The following GRIK1 variants were observed in gnomAD, a reference collection of about 807,000 sequenced individuals.
GRIK1 encodes the protein glutamate receptor ionotropic, kainate 1.
A neutral mutation model predicts 105.7 loss-of-function variants in GRIK1; 69 were observed. That is an observed-to-expected ratio of 0.65 (90% CI 0.54 to 0.80). GRIK1 has a LOEUF of 0.80. Ranked by LOEUF, GRIK1 falls within the 30% of genes least tolerant of loss-of-function variation. GRIK1 has a pLI of 0.00. For missense variants in GRIK1, 1,109 were observed against 1,167.3 expected (o/e 0.95, Z 0.73); for synonymous variants, 438 against 431.3 (o/e 1.02, Z -0.19).
intron 7 of GRIK1, among the ~76,000 whole-genome samples, chr21:29,638,441 A>G (rs1372299934): frequency 6.6e-6 from 1 of 152,172 alleles, no homozygotes; most frequent in Non-Finnish European, 1.5e-5. Context: ...TCCACACGTG[A>G]GGATATGAAT....
chr21:29,682,011 T>C (rs1386239262), intron 3 of GRIK1, among the ~76,000 whole-genome samples: 1 of 152,240 alleles, frequency 6.6e-6, no homozygotes, highest in Non-Finnish European at 1.5e-5. Flanking sequence ...GGAATCCTTA[T>C]ATCAGGACCT....
At chr21:29,748,954 C>G (rs1207430878) in intron 1 of GRIK1, 1 of 152,166 alleles carries the variant, frequency 6.6e-6, no homozygotes, top group East Asian at 1.9e-4. Context: ...AAGGGGATTT[C>G]TGTAGCAGTT....
At chr21:29,738,634 G>A (rs1191138798) in intron 1 of GRIK1, among the ~76,000 whole-genome samples, 1 of 152,194 alleles carries the variant, frequency 6.6e-6, no homozygotes, top group Non-Finnish European at 1.5e-5. Flanking sequence ...AGATATGGTA[G>A]CATCTCCAAG....
chr21:29,834,555 G>A (rs181763928), intron 1 of GRIK1, among the ~76,000 whole-genome samples: 27 of 150,806 alleles, frequency 1.8e-4, no homozygotes, highest in African/African-American at 6.3e-4. Context: ...CTGTCTAAGA[G>A]TGATAAAGAG....
intron 6 of GRIK1, among the ~76,000 whole-genome samples, chr21:29,650,859 C>G (rs363582): frequency 1.3e-5 from 2 of 152,252 alleles, no homozygotes; most frequent in Middle Eastern, 3.4e-3. Flanking sequence ...TGTCCTTGCA[C>G]TGGTTTGGCT....
intron 5 of GRIK1, among the ~76,000 whole-genome samples, chr21:29,652,827 C>T (rs998893789): frequency 6.6e-6 from 1 of 152,174 alleles, no homozygotes; most frequent in Admixed American, 6.5e-5. Context: ...ATTACAGGTA[C>T]TGAAAAGCAG....
At chr21:29,633,180 T>A (rs1382664593) in intron 7 of GRIK1, among the ~76,000 whole-genome samples, 1 of 152,224 alleles carries the variant, frequency 6.6e-6, no homozygotes, top group Non-Finnish European at 1.5e-5. Flanking sequence ...TACCTTTATC[T>A]GGGACTTCTC....
chr21:29,670,338 A>G (rs939442985), intron 4 of GRIK1, among the ~76,000 whole-genome samples: 1 of 152,214 alleles, frequency 6.6e-6, no homozygotes, highest in Non-Finnish European at 1.5e-5. Flanking sequence ...AAGCTGAACT[A>G]ATCCTACTCC....
intron 1 of GRIK1, among the ~76,000 whole-genome samples, chr21:29,782,297 A>G (rs1455878101): frequency 6.6e-6 from 1 of 151,996 alleles, no homozygotes; most frequent in Non-Finnish European, 1.5e-5. Context: ...CGTGTTAGCC[A>G]GGATGGTCTC....
intron 1 of GRIK1, among the ~76,000 whole-genome samples, chr21:29,797,909 CT>C (rs1441171854): frequency 6.6e-6 from 1 of 152,206 alleles, no homozygotes; most frequent in African/African-American, 2.4e-5. Flanking sequence ...ATCCTACACT[CT>C]TCATGAAATT....
chr21:29,912,066 G>A (rs2070836753), intron 1 of GRIK1, among the ~76,000 whole-genome samples: 1 of 151,796 alleles, frequency 6.6e-6, no homozygotes, highest in Admixed American at 6.6e-5. Flanking sequence ...CAGAGAGAAA[G>A]AAAGAGAGAA....
At chr21:29,747,764 G>C (rs1346699235) in intron 1 of GRIK1, among the ~76,000 whole-genome samples, 2 of 152,192 alleles carry the variant, frequency 1.3e-5, no homozygotes, top group African/African-American at 4.8e-5. Flanking sequence ...GGGAGGCAGA[G>C]CTGGCAGTGA....
At chr21:29,694,867 A>G (rs893943561) in intron 1 of GRIK1, among the ~76,000 whole-genome samples, 1 of 152,164 alleles carries the variant, frequency 6.6e-6, no homozygotes, top group Admixed American at 6.5e-5. Flanking sequence ...TCAAGATAAA[A>G]ATGTCCTTTT....
chr21:29,916,003 T>C (rs184886427), intron 1 of GRIK1, among the ~76,000 whole-genome samples: 13 of 152,136 alleles, frequency 8.5e-5, no homozygotes, highest in African/African-American at 3.1e-4. Context: ...ATAATTTTAG[T>C]AAAGTCAAAA....
intron 1 of GRIK1, among the ~76,000 whole-genome samples, chr21:29,700,675 C>T (rs756917889): frequency 4.6e-5 from 7 of 152,044 alleles, no homozygotes; most frequent in African/African-American, 7.2e-5. Flanking sequence ...GGGAGCTATC[C>T]GAATCAACTC....
chr21:29,873,797 A>G (rs2069099957), intron 1 of GRIK1, among the ~76,000 whole-genome samples: 1 of 152,242 alleles, frequency 6.6e-6, no homozygotes, highest in East Asian at 1.9e-4. Flanking sequence ...CCAACTGACC[A>G]TATTAAAATC....
intron 1 of GRIK1, among the ~76,000 whole-genome samples, chr21:29,704,136 T>G (rs2063861536): frequency 6.6e-6 from 1 of 152,182 alleles, no homozygotes; most frequent in South Asian, 2.1e-4. Context: ...GTTTAACTCA[T>G]AAAACATTAT....
At chr21:29,574,822 G>A (rs1189388272) in intron 14 of GRIK1, among the ~76,000 whole-genome samples, 1 of 151,264 alleles carries the variant, frequency 6.6e-6, no homozygotes, top group African/African-American at 2.4e-5. Flanking sequence ...CGAGTAGCTG[G>A]GACTACAGGC....
At chr21:29,696,760 G>A (rs1247832701) in intron 1 of GRIK1, among the ~76,000 whole-genome samples, 1 of 152,214 alleles carries the variant, frequency 6.6e-6, no homozygotes, top group Admixed American at 6.5e-5. Flanking sequence ...TCAGGCTGCA[G>A]GTATTTAGGG....
Sources: allele counts gnomAD v4.1 joint callset (sites outside exome capture counted in the v4.1 genomes callset), GRCh38; gene constraint gnomAD v4.1.1; transcripts MANE v1.5; gene names NCBI Gene and HGNC (gene_info 2026-07-23, HGNC 2026-07-21).